Variants in VWA3B observed in about 807,000 individuals in gnomAD.
VWA3B encodes the protein von Willebrand factor A domain containing 3B.
A neutral mutation model predicts 158.3 loss-of-function variants in VWA3B; 138 were observed. The observed-to-expected ratio is 0.87, with a 90% CI of 0.76 to 1.00. The LOEUF (loss-of-function observed/expected upper bound fraction) is 1.00, where lower values mean the gene tolerates loss of function less well. Among genes scored for constraint, VWA3B ranks in the 50% least tolerant of loss-of-function variants. The probability of loss-of-function intolerance (pLI) is 0.00; values close to 1 mark genes in which losing one functional copy is unlikely to be tolerated. For synonymous variants in VWA3B, 596 were observed against 587.3 expected, an observed-to-expected ratio of 1.01 and a Z score of -0.21; for missense variants, 1,555 against 1,565.1, an observed-to-expected ratio of 0.99 and a Z score of 0.11.
intron 8 of VWA3B, among the ~76,000 whole-genome samples, chr2:98,172,828 C>T (rs148749022): frequency 3.0e-4 from 46 of 152,134 alleles, no homozygotes; most frequent in African/African-American, 8.0e-4. Context: ...CTTGAGAGCC[C>T]GGTAGAGAAA....
At chr2:98,104,491 A>G (rs1165986796) in intron 2 of VWA3B, among the ~76,000 whole-genome samples, 2 of 152,194 alleles carry the variant, frequency 1.3e-5, no homozygotes, top group African/African-American at 4.8e-5. Context: ...CCTCATTCCC[A>G]CGAGAATGTC....
rs1171408960 is a variant in VWA3B, at chr2:98,203,606, T to C, written c.1738-8324T>C. On this transcript the variant is annotated intron_variant, in intron 12 of 27. Transcript: ENST00000477737. Reference sequence around the variant, plus strand: ...GTATTTAGGTCTTTGATTTATTTCATCAGAATTTTATAATTTCAGCATGCA... The same window carrying C: ...GTATTTAGGTCTTTGATTTATTTCACCAGAATTTTATAATTTCAGCATGCA... Among the ~76,000 whole-genome samples the C allele has an allele frequency of 3.9e-5, 6 of 152,368 alleles. No homozygotes were observed. In the East Asian group the frequency reaches 5.8e-4, roughly 15 times the overall value.
chr2:98,089,738 C>CCA (rs1682139101), intron 1 of VWA3B, among the ~76,000 whole-genome samples: 1 of 151,636 alleles, frequency 6.6e-6, no homozygotes, highest in Non-Finnish European at 1.5e-5. Context: ...TACAAATATT[C>CCA]TCAGGCTACA....
intron 7 of VWA3B, among the ~76,000 whole-genome samples, chr2:98,139,386 G>A (rs1297130843): frequency 4.6e-5 from 7 of 152,238 alleles, no homozygotes; most frequent in Admixed American, 1.3e-4. Flanking sequence ...TGAGGAGTGC[G>A]GGCGCACGGT....
chr2:98,294,488 A>G (rs112782022), intron 23 of VWA3B, among the ~76,000 whole-genome samples: 328 of 152,332 alleles, frequency 2.2e-3, no homozygotes, highest in African/African-American at 7.2e-3. Flanking sequence ...CCTGTGACCA[A>G]CGTTATTCCA....
intron 2 of VWA3B, among the ~76,000 whole-genome samples, chr2:98,107,054 A>G (rs1173865999): frequency 6.6e-6 from 1 of 152,146 alleles, no homozygotes; most frequent in East Asian, 1.9e-4. Context: ...TTTATTATTA[A>G]TGGGTGCTGA....
At position 98,089,752 on chromosome 2, in the gene VWA3B, C is replaced by A. The variant is rs548127413; in HGVS notation, c.-33+2389C>A. On this transcript the variant is annotated intron_variant, in intron 1 of 27. Transcript: ENST00000477737. The stretch of plus-strand genomic sequence containing the variant: ...ATACAAATATTCTCAGGCTACAAAA[C>A]GCTGGAGGTAAGATCTGAATCAGAC... 3.1e-4 allele frequency among the ~76,000 whole-genome samples: 46 copies of A among 149,602 alleles called. No individual in the cohort carries two copies. In the South Asian group the frequency reaches 6.7e-3, roughly 22 times the overall value.
chr2:98,234,679 G>T lies in VWA3B; in HGVS notation c.2340G>T (p.Gln780His). The change falls in exon 17 of 28, where the codon CAG becomes CAT. Residue 780 changes from glutamine to histidine, a missense_variant. By Grantham distance (24) the Gln-to-His change is conservative. Transcript: ENST00000477737. Reference protein sequence around the residue: ...ESTKTSLLRSQMSSLRSSACS... With the variant: ...ESTKTSLLRSHMSSLRSSACS... ...CCAAAACCAGCCTGCTCAGAAGCCA[G>T]ATGTCCTCCCTCAGGAGCTCAGCTT... The T allele has an allele frequency of 6.2e-7, 1 of 1,614,192 alleles. No individual in the cohort carries two copies. Among genetic ancestry groups the T allele is most frequent in the Non-Finnish European group, 8.5e-7 (1 of 1,180,018 alleles).
chr2:98,141,683 A>G (rs886611155), intron 7 of VWA3B, among the ~76,000 whole-genome samples: 2 of 152,156 alleles, frequency 1.3e-5, no homozygotes, highest in Admixed American at 6.5e-5. Context: ...TCATCTTTTA[A>G]GCAAACTCTC....
chr2:98,226,257 T>C lies in VWA3B; in HGVS notation c.2020-1945T>C, dbSNP rs566255797. ...GACACGTAGACCAATGGAACAGTTA[T>C]AGAAATACACCCACACAACATGCTC... On this transcript the variant is annotated intron_variant, in intron 14 of 27. Coordinates refer to ENST00000477737, the MANE Select transcript of VWA3B (RefSeq NM_144992.5). Among the ~76,000 whole-genome samples the C allele has an allele frequency of 2.0e-5, 3 of 152,318 alleles. No individual in the cohort carries two copies. In the South Asian group the frequency reaches 6.2e-4, roughly 32 times the overall value.
At chr2:98,198,059 T>C (rs181608457) in intron 12 of VWA3B, among the ~76,000 whole-genome samples, 5 of 151,778 alleles carry the variant, frequency 3.3e-5, no homozygotes, top group African/African-American at 1.2e-4. Context: ...CTATAGCTAC[T>C]CCATGTATCC....
intron 13 of VWA3B, chr2:98,216,619 G>T (rs1456309235): frequency 4.6e-6 from 2 of 438,778 alleles, no homozygotes; most frequent in Non-Finnish European, 9.5e-6. Context: ...TGGAGCCCTG[G>T]CTGCACAGCT....
At chr2:98,282,330 G>A (rs1032055035) in intron 22 of VWA3B, among the ~76,000 whole-genome samples, 15 of 151,678 alleles carry the variant, frequency 9.9e-5, no homozygotes, top group African/African-American at 3.6e-4. Context: ...AGGCCATGGT[G>A]AATAATTCCT....
chr2:98,120,367 T>C (rs1674869712), intron 4 of VWA3B, among the ~76,000 whole-genome samples: 1 of 152,254 alleles, frequency 6.6e-6, no homozygotes, highest in Non-Finnish European at 1.5e-5. Context: ...GGGAAGGATC[T>C]ACCTCATTCA....
At chr2:98,285,365 T>C (rs2105931760) in intron 22 of VWA3B, among the ~76,000 whole-genome samples, 1 of 152,288 alleles carries the variant, frequency 6.6e-6, no homozygotes, top group African/African-American at 2.4e-5. Flanking sequence ...ATTTCTACTT[T>C]TTTATTATTA....
the VWA3B span, among the ~76,000 whole-genome samples, chr2:98,320,218 C>T: frequency 6.6e-6 from 1 of 152,164 alleles, no homozygotes; most frequent in African/African-American, 2.4e-5. Context: ...TGCCTGCCAC[C>T]AAGTAAGTCA....
chr2:98,272,707 G>A lies in VWA3B; in HGVS notation c.3045+1824G>A, dbSNP rs76221223. ...CAAGGATGTTAGGAGTTATGAGCCA[G>A]GAATCATGGAAGAAAAGAAATGTAT... On this transcript the variant is annotated intron_variant, in intron 22 of 27. Coordinates refer to ENST00000477737, the MANE Select transcript of VWA3B (RefSeq NM_144992.5). Among the ~76,000 whole-genome samples, 1,033 of 152,190 alleles carry A rather than the reference G, an allele frequency of 6.8e-3. 10 individuals are homozygous for A. The highest frequency in any genetic ancestry group is 0.024 in the African/African-American group (981 of 41,500).
intron 1 of VWA3B, among the ~76,000 whole-genome samples, chr2:98,092,377 G>A (rs933030864): frequency 3.3e-5 from 5 of 152,228 alleles, no homozygotes; most frequent in African/African-American, 7.2e-5. Context: ...GGGCGCAGTG[G>A]CTCACGCCTG....
the VWA3B span, among the ~76,000 whole-genome samples, chr2:98,325,740 A>G: frequency 1.3e-5 from 2 of 152,200 alleles, no homozygotes; most frequent in Non-Finnish European, 2.9e-5. Flanking sequence ...ATGGACATAC[A>G]TGGTTGCAAG....
Sources: allele counts gnomAD v4.1 joint callset (sites outside exome capture counted in the v4.1 genomes callset), GRCh38; gene constraint gnomAD v4.1.1; transcripts MANE v1.5; gene names NCBI Gene and HGNC (gene_info 2026-07-23, HGNC 2026-07-21).